IMPG1: variants seen among roughly 807,000 people sequenced by gnomAD.
IMPG1 encodes interphotoreceptor matrix proteoglycan 1.
A neutral mutation model predicts 92.0 loss-of-function variants in IMPG1; 85 were observed. The observed-to-expected ratio is 0.92, with a 90% confidence interval of 0.78 to 1.11. The LOEUF (loss-of-function observed/expected upper bound fraction) is 1.11. Among genes scored for constraint, IMPG1 ranks in the 50% least tolerant of loss-of-function variants. IMPG1 has a pLI of 0.00. For synonymous variants in IMPG1, 367 were observed against 334.1 expected (o/e 1.10, Z -1.08); for missense variants, 1,022 against 956.0 (o/e 1.07, Z -0.91).
At chr6:76,036,092 G>A (rs1783738328) in intron 2 of IMPG1, among the ~76,000 whole-genome samples, 1 of 152,096 alleles carries the variant, frequency 6.6e-6, no homozygotes, top group African/African-American at 2.4e-5. Flanking sequence ...ATGTAAAGAA[G>A]TTTTCTCAAC....
chr6:75,940,227 C>T (rs1437131611), intron 14 of IMPG1, among the ~76,000 whole-genome samples: 1 of 152,210 alleles, frequency 6.6e-6, no homozygotes, highest in African/African-American at 2.4e-5. Context: ...TCTCTGGCTT[C>T]AGTTGAAGTT....
At chr6:76,050,792 A>AT (rs1056744678) in intron 1 of IMPG1, among the ~76,000 whole-genome samples, 40 of 152,088 alleles carry the variant, frequency 2.6e-4, no homozygotes, top group Admixed American at 1.7e-3. Flanking sequence ...TCTAGAGGAA[A>AT]TTTTTTTTAG....
At chr6:76,008,506 C>T (rs1275711824) in intron 8 of IMPG1, among the ~76,000 whole-genome samples, 4 of 152,126 alleles carry the variant, frequency 2.6e-5, no homozygotes, top group Non-Finnish European at 4.4e-5. Context: ...AATGTACATG[C>T]TACAGGCATG....
intron 6 of IMPG1, 71 bp from the exon 7 acceptor site, chr6:76,018,929 T>C (rs966818488): frequency 7.2e-7 from 1 of 1,384,078 alleles, no homozygotes. Flanking sequence ...TTAGATAATA[T>C]ATGTTGATAC....
chr6:76,049,172 C>T (rs1003110894), intron 1 of IMPG1, among the ~76,000 whole-genome samples: 1 of 152,096 alleles, frequency 6.6e-6, no homozygotes, highest in Non-Finnish European at 1.5e-5. Flanking sequence ...AGGGGAACAA[C>T]ACATGCTGGG....
At chr6:75,936,831 G>A (rs2149452395) in intron 14 of IMPG1, among the ~76,000 whole-genome samples, 1 of 152,342 alleles carries the variant, frequency 6.6e-6, no homozygotes, top group African/African-American at 2.4e-5. Flanking sequence ...GCTGGGAGGA[G>A]GCCCTGCAGC....
At chr6:75,980,372 A>G (rs1317880394) in intron 12 of IMPG1, among the ~76,000 whole-genome samples, 1 of 152,236 alleles carries the variant, frequency 6.6e-6, no homozygotes, top group Non-Finnish European at 1.5e-5. Context: ...TACAGGTGTG[A>G]TAGTTAACAT....
intron 4 of IMPG1, 32 bp from the exon 5 acceptor site, chr6:76,025,290 G>C: frequency 7.9e-7 from 1 of 1,264,900 alleles, no homozygotes; most frequent in South Asian, 1.3e-5. Flanking sequence ...AGGAAGAGGT[G>C]GTGAAAGAGA....
At chr6:76,033,665 C>A (rs1783688184) in intron 4 of IMPG1, among the ~76,000 whole-genome samples, 1 of 152,170 alleles carries the variant, frequency 6.6e-6, no homozygotes, top group South Asian at 2.1e-4. Context: ...GTCAGTAATT[C>A]ATATGGCCAA....
In IMPG1 at chr6:75,936,954, A is replaced by G. The variant is rs192988037; in HGVS notation, c.2045-5803T>C. 4.9e-3 allele frequency among the ~76,000 whole-genome samples: 753 copies of G among 152,308 alleles called. 26 individuals are homozygous for G. Among genetic ancestry groups the G allele is most frequent in the Admixed American group, 0.046 (700 of 15,298 alleles). ...TGGTTGGGGTGTGGAATGAGGGCACAGATTGAAACCCTGGAGAGAGGTGAA... is the reference window on the plus strand; with the variant it reads ...TGGTTGGGGTGTGGAATGAGGGCACGGATTGAAACCCTGGAGAGAGGTGAA... On this transcript the variant is annotated intron_variant, in intron 14 of 16. Coordinates refer to ENST00000369950, the MANE Select transcript of IMPG1 (RefSeq NM_001563.4).
At chr6:76,041,546 A>G (rs973766385) in intron 2 of IMPG1, among the ~76,000 whole-genome samples, 2 of 152,218 alleles carry the variant, frequency 1.3e-5, no homozygotes, top group African/African-American at 2.4e-5. Flanking sequence ...CATTGCAATC[A>G]TCCTGTACTT....
chr6:76,022,623 A>G (rs960546850), intron 5 of IMPG1, among the ~76,000 whole-genome samples: 2 of 152,200 alleles, frequency 1.3e-5, no homozygotes, highest in African/African-American at 2.4e-5. Flanking sequence ...ATCATTGAGG[A>G]ATAAGATTTT....
At chr6:75,928,900 GCTTT>G (rs1781611988) in intron 15 of IMPG1, among the ~76,000 whole-genome samples, 2 of 152,166 alleles carry the variant, frequency 1.3e-5, no homozygotes, top group Admixed American at 6.5e-5. Flanking sequence ...GCTGCAATTT[GCTTT>G]CTCATTTAAT....
intron 12 of IMPG1, among the ~76,000 whole-genome samples, chr6:75,978,213 C>A (rs1441867070): frequency 6.6e-6 from 1 of 150,804 alleles, no homozygotes; most frequent in African/African-American, 2.4e-5. Flanking sequence ...ACTCGAAAAC[C>A]TTTCTTTGGC....
chr6:76,040,507 C>G (rs185351099), intron 2 of IMPG1, among the ~76,000 whole-genome samples: 3 of 152,198 alleles, frequency 2.0e-5, no homozygotes, highest in Non-Finnish European at 4.4e-5. Flanking sequence ...ACTGTCTTTT[C>G]TCTATTTTCC....
chr6:76,048,752 A>G (rs545967484), intron 1 of IMPG1, among the ~76,000 whole-genome samples: 1 of 152,294 alleles, frequency 6.6e-6, no homozygotes, highest in African/African-American at 2.4e-5. Context: ...CTGACGCAAA[A>G]CTATTTAAAA....
intron 14 of IMPG1, among the ~76,000 whole-genome samples, chr6:75,941,068 A>G (rs1781830928): frequency 6.6e-6 from 1 of 152,002 alleles, no homozygotes; most frequent in Non-Finnish European, 1.5e-5. Flanking sequence ...GTCTTTTTGT[A>G]TATGCTTCCA....
chr6:75,959,230 T>G (rs1342079346), intron 12 of IMPG1, among the ~76,000 whole-genome samples: 1 of 152,152 alleles, frequency 6.6e-6, no homozygotes, highest in African/African-American at 2.4e-5. Context: ...GCCTATTTCT[T>G]CCTTTGGAAG....
rs148239686 is a variant in IMPG1, at chr6:75,977,043, C to T, written c.1291+25875G>A. Among the ~76,000 whole-genome samples, 756 of 151,896 alleles carry T rather than the reference C, an allele frequency of 5.0e-3. 10 individuals are homozygous for T. Among genetic ancestry groups the T allele is most frequent in the African/African-American group, 0.018 (728 of 41,426 alleles). ...CTAATGTGTAGTCATGATTGAATAC[C>T]GGTAAATTTGAGGAAGTGGTATTTA... On this transcript the variant is annotated intron_variant, in intron 12 of 16. Coordinates refer to ENST00000369950, the MANE Select transcript of IMPG1 (RefSeq NM_001563.4).
Sources: gnomAD v4.1 joint callset for allele counts (sites outside exome capture counted in the v4.1 genomes callset) on GRCh38, gnomAD v4.1.1 for gene constraint, MANE v1.5 for transcripts, NCBI Gene and HGNC (gene_info 2026-07-23, HGNC 2026-07-21) for gene names.